Variants in LRRC4C observed in about 807,000 individuals in gnomAD.
LRRC4C encodes the protein leucine rich repeat containing 4C.
LRRC4C carries 5 observed loss-of-function variants against 33.6 expected under a neutral mutation model. The ratio of observed to expected loss-of-function variants is 0.15; its 90% CI spans 0.08 to 0.31. The LOEUF is 0.31. LRRC4C is among the 10% of genes least tolerant of loss of function. LRRC4C has a pLI of 1.00. For synonymous variants in LRRC4C, 329 were observed against 302.0 expected, an observed-to-expected ratio of 1.09 and a Z score of -0.93; for missense variants, 560 against 796.7, an observed-to-expected ratio of 0.70 and a Z score of 3.58.
chr11:40,188,982 A>T (rs1433027185), intron 5 of LRRC4C, among the ~76,000 whole-genome samples: 1 of 152,184 alleles, frequency 6.6e-6, no homozygotes, highest in African/African-American at 2.4e-5. Flanking sequence ...GTGTTCTAGC[A>T]TTAGGGAAAA....
At chr11:41,044,083 T>C (rs1419862799) in intron 1 of LRRC4C, among the ~76,000 whole-genome samples, 1 of 152,122 alleles carries the variant, frequency 6.6e-6, no homozygotes, top group African/African-American at 2.4e-5. Flanking sequence ...CTGTCATCTC[T>C]CCTTTGGGTG....
chr11:41,313,633 A>T (rs1004856461), intron 1 of LRRC4C, among the ~76,000 whole-genome samples: 1 of 152,234 alleles, frequency 6.6e-6, no homozygotes, highest in Non-Finnish European at 1.5e-5. Context: ...TGATTGTTAA[A>T]GGGTCTATAC....
chr11:40,242,404 T>C (rs763623610), intron 4 of LRRC4C, among the ~76,000 whole-genome samples: 19 of 151,914 alleles, frequency 1.3e-4, no homozygotes, highest in Non-Finnish European at 1.9e-4. Context: ...TTTTTCCCCT[T>C]TTCTCCTTTT....
intron 2 of LRRC4C, among the ~76,000 whole-genome samples, chr11:40,875,810 C>A (rs988061444): frequency 1.3e-5 from 2 of 152,070 alleles, no homozygotes; most frequent in Non-Finnish European, 2.9e-5. Flanking sequence ...TATTGTGATG[C>A]ACTTTATTTC....
intron 1 of LRRC4C, among the ~76,000 whole-genome samples, chr11:41,155,696 T>C (rs1565433560): frequency 6.6e-6 from 1 of 152,136 alleles, no homozygotes; most frequent in Non-Finnish European, 1.5e-5. Flanking sequence ...GTTGTGCGTA[T>C]AGATACTTTT....
intron 1 of LRRC4C, among the ~76,000 whole-genome samples, chr11:41,200,085 T>C (rs1404060374): frequency 1.3e-5 from 2 of 152,072 alleles, no homozygotes; most frequent in African/African-American, 4.8e-5. Flanking sequence ...TGCTTGAGTC[T>C]CTTTGTAGTA....
intron 1 of LRRC4C, among the ~76,000 whole-genome samples, chr11:40,969,166 T>TA (rs1292347605): frequency 2.0e-5 from 3 of 152,080 alleles, no homozygotes; most frequent in Non-Finnish European, 2.9e-5. Context: ...GTGAAGGAAA[T>TA]AAATGCAGAT....
intron 5 of LRRC4C, among the ~76,000 whole-genome samples, chr11:40,238,256 A>G (rs893738435): frequency 6.6e-6 from 1 of 152,196 alleles, no homozygotes; most frequent in Non-Finnish European, 1.5e-5. Flanking sequence ...TAATTCCTCA[A>G]CAGAGCCCTG....
chr11:41,131,843 A>G (rs1943027712), intron 1 of LRRC4C, among the ~76,000 whole-genome samples: 1 of 152,074 alleles, frequency 6.6e-6, no homozygotes, highest in Non-Finnish European at 1.5e-5. Context: ...TAAAAGACAC[A>G]CCCATCATCA....
chr11:40,360,233 G>C (rs1046337671), intron 3 of LRRC4C, among the ~76,000 whole-genome samples: 1 of 152,262 alleles, frequency 6.6e-6, no homozygotes, highest in South Asian at 2.1e-4. Flanking sequence ...TACAATAACA[G>C]AGCCTTCTCC....
intron 4 of LRRC4C, among the ~76,000 whole-genome samples, chr11:40,274,416 CACACACAT>C (rs1170633317): frequency 8.3e-6 from 1 of 120,542 alleles, no homozygotes; most frequent in Non-Finnish European, 1.7e-5. Context: ...GCGGAATAGA[CACACACAT>C]ACACACACAC....
At chr11:40,533,075 A>G (rs1336062926) in intron 3 of LRRC4C, among the ~76,000 whole-genome samples, 1 of 152,118 alleles carries the variant, frequency 6.6e-6, no homozygotes, top group Non-Finnish European at 1.5e-5. Context: ...TGTGGGGATT[A>G]TGGAGATTAT....
intron 1 of LRRC4C, among the ~76,000 whole-genome samples, chr11:41,063,284 T>G (rs958002966): frequency 2.0e-5 from 3 of 152,204 alleles, no homozygotes; most frequent in Non-Finnish European, 2.9e-5. Flanking sequence ...GTGATAGGGA[T>G]GTAATAGTAA....
chr11:40,251,006 T>A (rs879488535), intron 4 of LRRC4C, among the ~76,000 whole-genome samples: 3 of 152,142 alleles, frequency 2.0e-5, no homozygotes, highest in Non-Finnish European at 4.4e-5. Flanking sequence ...TTTTCATGTT[T>A]AGGTAGTTTT....
chr11:40,144,415 T>C (rs1857580262), intron 5 of LRRC4C, among the ~76,000 whole-genome samples: 1 of 152,188 alleles, frequency 6.6e-6, no homozygotes, highest in South Asian at 2.1e-4. Context: ...TCTAAAATGA[T>C]GATTTAAGGC....
At chr11:41,344,017 T>C (rs1230279887) in intron 1 of LRRC4C, among the ~76,000 whole-genome samples, 1 of 152,158 alleles carries the variant, frequency 6.6e-6, no homozygotes, top group Non-Finnish European at 1.5e-5. Context: ...AGCCTTCCAT[T>C]ATCTGAGCAA....
intron 2 of LRRC4C, among the ~76,000 whole-genome samples, chr11:40,691,208 A>G (rs1945206808): frequency 6.6e-6 from 1 of 152,060 alleles, no homozygotes; most frequent in Non-Finnish European, 1.5e-5. Context: ...AACAAAAAAA[A>G]ACCCATGTCT....
chr11:41,299,960 T>C (rs1426755576), intron 1 of LRRC4C, among the ~76,000 whole-genome samples: 2 of 152,136 alleles, frequency 1.3e-5, no homozygotes, highest in Non-Finnish European at 2.9e-5. Flanking sequence ...GTGTTTTGAC[T>C]GGATTTATAT....
chr11:41,024,004 C>A (rs1722639405), intron 1 of LRRC4C, among the ~76,000 whole-genome samples: 1 of 151,594 alleles, frequency 6.6e-6, no homozygotes, highest in African/African-American at 2.4e-5. Context: ...ACTGGACAAG[C>A]AATTAACATT....
Sources: gnomAD v4.1 joint callset for allele counts (sites outside exome capture counted in the v4.1 genomes callset) on GRCh38, gnomAD v4.1.1 for gene constraint, MANE v1.5 for transcripts, NCBI Gene and HGNC (gene_info 2026-07-23, HGNC 2026-07-21) for gene names.